The following MED15 variants were observed in gnomAD, a reference collection of about 807,000 sequenced individuals.
The protein encoded by MED15 is mediator complex subunit 15.
Under a neutral mutation model 118.7 loss-of-function variants are expected in MED15, and 41 were observed. The ratio of observed to expected loss-of-function variants is 0.35; its 90% CI spans 0.27 to 0.45. The LOEUF (loss-of-function observed/expected upper bound fraction) is 0.45. Ranked by LOEUF, MED15 falls within the 20% of genes least tolerant of loss-of-function variation. The pLI is 1.00. For missense variants in MED15, 740 were observed against 1,025.5 expected, an observed-to-expected ratio of 0.72 and a Z score of 3.80; for synonymous variants, 436 against 413.9, an observed-to-expected ratio of 1.05 and a Z score of -0.65.
intron 2 of MED15, among the ~76,000 whole-genome samples, chr22:20,545,786 A>T (rs993559072): frequency 2.0e-5 from 3 of 152,010 alleles, no homozygotes; most frequent in Admixed American, 6.6e-5. Flanking sequence ...GGGGCTATGG[A>T]TACTATCATG....
rs996478343 is a variant in MED15 at position 20,586,472 on chromosome 22, G to A, written c.2231-96G>A. 1.9e-5 allele frequency: 29 copies of A among 1,539,284 alleles called. No individual in the cohort carries two copies. In the East Asian group the frequency reaches 3.4e-4, roughly 18 times the overall value. On this transcript the variant is annotated intron_variant, in intron 17 of 17. Transcript: ENST00000263205. ...ACATCACCTCCTGGTGCTTCGGCCC[G>A]CGCCTGGGGCTACCCCTTCCCAGAG...
intron 1 of MED15, among the ~76,000 whole-genome samples, chr22:20,514,615 A>G (rs946589742): frequency 1.3e-5 from 2 of 152,072 alleles, no homozygotes; most frequent in African/African-American, 4.8e-5. Context: ...GCTTAGGGGG[A>G]GCATGGAATG....
chr22:20,584,686 G>A (rs1569253903), intron 14 of MED15, 169 bp from the exon 15 acceptor site: 1 of 943,584 alleles, frequency 1.1e-6, no homozygotes, highest in Admixed American at 2.3e-5. Context: ...AGGCTGTGGG[G>A]GTGGGGGATT....
intron 1 of MED15, chr22:20,508,587 G>C: frequency 2.7e-6 from 1 of 376,706 alleles, no homozygotes; most frequent in Non-Finnish European, 5.0e-6. Flanking sequence ...CTGGTGGGCA[G>C]GGATGGATCT....
intron 5 of MED15, among the ~76,000 whole-genome samples, chr22:20,561,036 T>C (rs1342912199): frequency 1.3e-5 from 2 of 152,178 alleles, no homozygotes; most frequent in Non-Finnish European, 2.9e-5. Flanking sequence ...AATGCTAAAA[T>C]ATTGATGAGG....
chr22:20,536,421 C>T (rs919363145), intron 1 of MED15, among the ~76,000 whole-genome samples: 1 of 152,226 alleles, frequency 6.6e-6, no homozygotes, highest in Non-Finnish European at 1.5e-5. Context: ...ATGTACATGG[C>T]TCTTTATCCC....
At chr22:20,557,753 G>C (rs919183573) in intron 5 of MED15, among the ~76,000 whole-genome samples, 2 of 152,136 alleles carry the variant, frequency 1.3e-5, no homozygotes, top group Non-Finnish European at 2.9e-5. Flanking sequence ...TCTGGCCTTG[G>C]CCCCCACATC....
intron 1 of MED15, 124 bp downstream of exon 1, chr22:20,507,870 C>A: frequency 6.6e-7 from 1 of 1,513,472 alleles, no homozygotes; most frequent in Non-Finnish European, 8.9e-7. Flanking sequence ...CGGGGACTTG[C>A]GTGGGTCCCA....
At chr22:20,553,419 G>T (rs1243899851) in intron 4 of MED15, among the ~76,000 whole-genome samples, 1 of 152,156 alleles carries the variant, frequency 6.6e-6, no homozygotes, top group Non-Finnish European at 1.5e-5. Flanking sequence ...CCTTTGCCCA[G>T]CAAAAAGATA....
chr22:20,586,710 AC>A lies in MED15; in HGVS notation c.*7del. 1 of 1,612,316 alleles carries A rather than the reference AC, an allele frequency of 6.2e-7. No individual in the cohort carries two copies. The highest frequency in any genetic ancestry group is 8.5e-7 in the Non-Finnish European group (1 of 1,179,906). On this transcript the variant is annotated 3_prime_UTR_variant, in exon 18 of 18. Transcript: ENST00000263205. ...CCTGCCTCTCAGCCGCCTAGCCAAG[AC>A]TGCAGGGATGGCCCGCAGCCTCATC...
At chr22:20,575,651 C>T (rs2056800456) in intron 9 of MED15, among the ~76,000 whole-genome samples, 1 of 151,842 alleles carries the variant, frequency 6.6e-6, no homozygotes, top group Non-Finnish European at 1.5e-5. Flanking sequence ...ATGGGAGGAT[C>T]ACTTGAGGCC....
chr22:20,587,507 T>C lies in MED15; in HGVS notation c.*803T>C, dbSNP rs1601661462. The C allele has an allele frequency of 3.8e-6, 1 of 262,098 alleles. No homozygotes were observed. 16.2% of individuals were successfully genotyped at this position (262,098 alleles called of 1,614,324 possible). A position where few individuals can be genotyped will look rare whatever the true frequency, so the allele number is the denominator to read the frequency against. On this transcript the variant is annotated 3_prime_UTR_variant, in exon 18 of 18. Transcript: ENST00000263205. ...GGGCCATGCAGGGAGCGCCTCCCTATGTTGCCTGCCACTCTGGGCACCGGC... is the reference window on the plus strand; with the variant it reads ...GGGCCATGCAGGGAGCGCCTCCCTACGTTGCCTGCCACTCTGGGCACCGGC...
chr22:20,508,351 A>G, intron 1 of MED15: 1 of 1,304,338 alleles, frequency 7.7e-7, no homozygotes, highest in Non-Finnish European at 1.0e-6. Context: ...GGCCCCGCTC[A>G]GAGGAACTCT....
At chr22:20,557,956 A>G (rs1181768217) in intron 5 of MED15, among the ~76,000 whole-genome samples, 2 of 152,144 alleles carry the variant, frequency 1.3e-5, no homozygotes, top group Non-Finnish European at 2.9e-5. Context: ...AATACAAAAA[A>G]TTAGCCGGGC....
intron 5 of MED15, 100 bp from the exon 6 acceptor site, chr22:20,564,350 G>A (rs2056354252): frequency 1.9e-6 from 3 of 1,544,772 alleles, no homozygotes; most frequent in African/African-American, 1.4e-5. Flanking sequence ...AGCCGTGGCA[G>A]TGGGGCTTTT....
At position 20,585,146 on chromosome 22, in the gene MED15, G is replaced by A; in HGVS notation, c.2010G>A (p.Glu670=). The A allele has an allele frequency of 3.7e-6, 6 of 1,613,720 alleles. No homozygotes were observed. Among genetic ancestry groups the A allele is most frequent in the Non-Finnish European group, 5.1e-6 (6 of 1,180,000 alleles). Residue 670 remains glutamate (E), a synonymous_variant, in exon 16 of 18, where the codon GAG becomes GAA. Coordinates refer to ENST00000263205, the MANE Select transcript of MED15 (RefSeq NM_001003891.3). ...CTRKRRLEDD[E]RQSIPSVLQG... ...GGAAGCGCAGGCTTGAGGATGATGA[G>A]CGGCAGAGCATCCCCAGTGTGCTCC...
intron 5 of MED15, among the ~76,000 whole-genome samples, chr22:20,560,955 G>A (rs977042810): frequency 2.6e-5 from 4 of 152,120 alleles, no homozygotes; most frequent in African/African-American, 9.7e-5. Flanking sequence ...AAGTCAGCAG[G>A]GAGATAGAGC....
intron 1 of MED15, among the ~76,000 whole-genome samples, chr22:20,519,329 A>G (rs1404715610): frequency 6.6e-6 from 1 of 151,970 alleles, no homozygotes; most frequent in African/African-American, 2.4e-5. Flanking sequence ...AGGCCCTGTG[A>G]TTGGGTTAAG....
At chr22:20,532,502 T>C (rs1259971497) in intron 1 of MED15, among the ~76,000 whole-genome samples, 1 of 152,168 alleles carries the variant, frequency 6.6e-6, no homozygotes, top group Non-Finnish European at 1.5e-5. Flanking sequence ...TAGATACCAG[T>C]TGAACCCTGA....
Sources: gnomAD v4.1 joint callset for allele counts (sites outside exome capture counted in the v4.1 genomes callset) on GRCh38, gnomAD v4.1.1 for gene constraint, MANE v1.5 for transcripts, NCBI Gene and HGNC (gene_info 2026-07-23, HGNC 2026-07-21) for gene names.